The following NAALADL2 variants were observed in gnomAD, a reference collection of about 807,000 sequenced individuals.
The protein encoded by NAALADL2 is inactive N-acetylated-alpha-linked acidic dipeptidase-like protein 2.
NAALADL2 carries 76 observed loss-of-function variants against 87.2 expected under a neutral mutation model. That is an observed-to-expected ratio of 0.87 (90% CI 0.72 to 1.05). NAALADL2 has a LOEUF of 1.05. Among genes scored for constraint, NAALADL2 ranks in the 50% least tolerant of loss-of-function variants. The pLI is 0.00. For synonymous variants in NAALADL2, 354 were observed against 331.0 expected (o/e 1.07, Z -0.75); for missense variants, 1,089 against 945.8 (o/e 1.15, Z -1.99).
intron 2 of NAALADL2, among the ~76,000 whole-genome samples, chr3:174,630,842 A>T (rs1283720896): frequency 1.3e-5 from 2 of 152,202 alleles, no homozygotes; most frequent in African/African-American, 4.8e-5. Flanking sequence ...TTGTAAAGCT[A>T]AATGAGAGTC....
chr3:175,535,934 A>G (rs1734754604), intron 9 of NAALADL2, among the ~76,000 whole-genome samples: 1 of 152,336 alleles, frequency 6.6e-6, no homozygotes, highest in South Asian at 2.1e-4. Flanking sequence ...ATGCACTAGT[A>G]TGTCCATTTT....
At chr3:175,047,454 G>T (rs1444974965) in intron 1 of NAALADL2, among the ~76,000 whole-genome samples, 3 of 151,736 alleles carry the variant, frequency 2.0e-5, no homozygotes, top group African/African-American at 7.3e-5. Flanking sequence ...TTTATTTATG[G>T]TACACATAAA....
intron 1 of NAALADL2, among the ~76,000 whole-genome samples, chr3:174,452,761 G>GAAA (rs565569906): frequency 7.3e-6 from 1 of 136,924 alleles, no homozygotes; most frequent in African/African-American, 2.7e-5. Context: ...TAGCATAAAA[G>GAAA]AAAAAAAAAA....
intron 9 of NAALADL2, among the ~76,000 whole-genome samples, chr3:175,547,720 A>G (rs1713601283): frequency 6.6e-6 from 1 of 152,022 alleles, no homozygotes; most frequent in South Asian, 2.1e-4. Flanking sequence ...CAAGGAAAAT[A>G]CAACCCATAA....
chr3:175,360,935 T>G (rs1368147321), intron 5 of NAALADL2, among the ~76,000 whole-genome samples: 2 of 151,816 alleles, frequency 1.3e-5, no homozygotes, highest in Non-Finnish European at 2.9e-5. Flanking sequence ...TTGTTAAATA[T>G]GTATACATGT....
intron 5 of NAALADL2, among the ~76,000 whole-genome samples, chr3:175,377,981 C>G (rs1019857199): frequency 6.6e-6 from 1 of 152,076 alleles, no homozygotes; most frequent in African/African-American, 2.4e-5. Flanking sequence ...ATTCCTGTGA[C>G]CTCATTCTTC....
chr3:175,305,044 G>A (rs1581339044), intron 4 of NAALADL2, among the ~76,000 whole-genome samples: 3 of 151,942 alleles, frequency 2.0e-5, no homozygotes, highest in Non-Finnish European at 4.4e-5. Flanking sequence ...TCTAGATGCT[G>A]TTGATTTGCT....
intron 2 of NAALADL2, among the ~76,000 whole-genome samples, chr3:175,181,352 T>C (rs1580816822): frequency 1.3e-5 from 2 of 152,052 alleles, no homozygotes; most frequent in Admixed American, 1.3e-4. Flanking sequence ...CATGGATACA[T>C]GTAGACAGTG....
At chr3:174,466,245 T>C (rs1049140463) in intron 1 of NAALADL2, among the ~76,000 whole-genome samples, 1 of 152,248 alleles carries the variant, frequency 6.6e-6, no homozygotes, top group Non-Finnish European at 1.5e-5. Context: ...CCAAGACAAA[T>C]TCATAAAGTT....
intron 1 of NAALADL2, among the ~76,000 whole-genome samples, chr3:175,080,243 C>T (rs559866034): frequency 2.0e-5 from 3 of 152,300 alleles, no homozygotes; most frequent in African/African-American, 4.8e-5. Flanking sequence ...GGATTACAGG[C>T]GTGAGCCACT....
chr3:175,147,579 C>T (rs1459162732), intron 2 of NAALADL2, among the ~76,000 whole-genome samples: 1 of 45,546 alleles, frequency 2.2e-5, no homozygotes, highest in Non-Finnish European at 4.6e-5. Context: ...TTTGGTAGAA[C>T]AGTTTATTTT....
At chr3:175,789,013 A>G (rs2862333) in intron 13 of NAALADL2, among the ~76,000 whole-genome samples, 36,778 of 152,052 alleles carry the variant, frequency 0.24, 4,664 homozygotes, top group African/African-American at 0.3. Flanking sequence ...ATGAACAAGA[A>G]AAATAGGTGG....
chr3:174,986,351 G>T (rs183984716), intron 1 of NAALADL2, among the ~76,000 whole-genome samples: 1 of 146,526 alleles, frequency 6.8e-6, no homozygotes, highest in African/African-American at 2.5e-5. Context: ...AAGGATTATT[G>T]TTATATTTTG....
chr3:174,513,783 G>A (rs1480227535), intron 1 of NAALADL2, among the ~76,000 whole-genome samples: 4 of 152,108 alleles, frequency 2.6e-5, no homozygotes, highest in African/African-American at 9.7e-5. Flanking sequence ...GGATTTGGAG[G>A]GACAGCACTT....
chr3:175,153,054 T>C (rs1228065968), intron 2 of NAALADL2, among the ~76,000 whole-genome samples: 3 of 152,188 alleles, frequency 2.0e-5, no homozygotes, highest in African/African-American at 2.4e-5. Flanking sequence ...TACCTATCTC[T>C]TATATTTTCA....
intron 4 of NAALADL2, among the ~76,000 whole-genome samples, chr3:175,281,142 T>G (rs1281267204): frequency 6.6e-6 from 1 of 150,892 alleles, no homozygotes; most frequent in Non-Finnish European, 1.5e-5. Context: ...ATAAATGGAT[T>G]GGTAATTGTC....
Position 175,164,658 on chromosome 3 carries a change from T to C in NAALADL2, c.545+67367T>C, listed in dbSNP as rs371581518. 5.9e-5 allele frequency among the ~76,000 whole-genome samples: 9 copies of C among 152,308 alleles called. No individual in the cohort carries two copies. The East Asian group carries it at 1.3e-3, about 23-fold the overall frequency. On this transcript the variant is annotated intron_variant, in intron 2 of 13. Transcript: ENST00000454872. ...GAAAAATATTAACTGGGAAGAGTTA[T>C]ACACATGATGTGGAAGTTAAGTTCT...
chr3:175,237,741 G>A (rs2109548252), intron 3 of NAALADL2, among the ~76,000 whole-genome samples: 1 of 152,104 alleles, frequency 6.6e-6, no homozygotes, highest in African/African-American at 2.4e-5. Flanking sequence ...TCAAACTAAT[G>A]CACGTGTGTA....
intron 2 of NAALADL2, among the ~76,000 whole-genome samples, chr3:175,131,709 G>C (rs1727910235): frequency 6.6e-6 from 1 of 151,918 alleles, no homozygotes; most frequent in South Asian, 2.1e-4. Context: ...TCACTTCCCA[G>C]TAGGGGTGGC....
Sources: gnomAD v4.1 joint callset for allele counts (sites outside exome capture counted in the v4.1 genomes callset) on GRCh38, gnomAD v4.1.1 for gene constraint, MANE v1.5 for transcripts, NCBI Gene and HGNC (gene_info 2026-07-23, HGNC 2026-07-21) for gene names.